The following XAB2 variants were observed in gnomAD, a reference collection of about 807,000 sequenced individuals.
The protein encoded by XAB2 is XPA binding protein 2, also known as pre-mRNA-splicing factor SYF1.
A neutral mutation model predicts 113.4 loss-of-function variants in XAB2; 57 were observed. The observed-to-expected ratio is 0.50, with a 90% CI of 0.41 to 0.63. The LOEUF is 0.63. XAB2 is among the 20% of genes least tolerant of loss of function. XAB2 has a pLI of 0.00. For synonymous variants in XAB2, 497 were observed against 498.8 expected, an observed-to-expected ratio of 1.00 and a Z score of 0.05; for missense variants, 1,037 against 1,233.3, an observed-to-expected ratio of 0.84 and a Z score of 2.38.
chr19:7,626,128 A>T lies in XAB2; in HGVS notation c.657+8T>A. On this transcript the variant is annotated splice_region_variant and intron_variant, in intron 5 of 18. Transcript: ENST00000358368. The stretch of plus-strand genomic sequence containing the variant: ...TCCCACCCAGTTGCCGGCTCCCGGC[A>T]GGCCCACCTGGTAGTTGGACTTGCC... 1 of 1,613,282 alleles carries T rather than the reference A, an allele frequency of 6.2e-7. No individual in the cohort carries two copies. Among genetic ancestry groups the T allele is most frequent in the South Asian group, 1.1e-5 (1 of 91,072 alleles).
chr19:7,621,094 A>AAACCCCCCCCCCCCCCCCCCCCCCCCCC, intron 13 of XAB2, 41 bp downstream of exon 13: 2 of 1,494,422 alleles, frequency 1.3e-6, no homozygotes, highest in Non-Finnish European at 9.0e-7. Flanking sequence ...TCAGAAACCC[A>AAACCCCCCCCCCCCCCCCCCCCCCCCCC]GCCCGCCCGC....
intron 9 of XAB2, 69 bp from the exon 10 acceptor site, chr19:7,622,962 A>T: frequency 6.3e-7 from 1 of 1,582,872 alleles, no homozygotes; most frequent in Non-Finnish European, 8.6e-7. Context: ...CAAGGGTCAG[A>T]AAGGTGACCA....
chr19:7,620,732 C>T, intron 14 of XAB2, 63 bp from the exon 15 acceptor site: 1 of 1,598,032 alleles, frequency 6.3e-7, no homozygotes, highest in Non-Finnish European at 8.5e-7. Context: ...TCCCAACACA[C>T]CATGGCCATC....
At position 7,619,864 on chromosome 19, in the gene XAB2, C is replaced by G. The variant is rs766028536; in HGVS notation, c.2397-8G>C. 2 of 1,611,336 alleles carry G rather than the reference C, an allele frequency of 1.2e-6. No individual in the cohort carries two copies. The highest frequency in any genetic ancestry group is 2.2e-5 in the East Asian group (1 of 44,868). ...TCCCGGGAGGCGTCACTCCTAGGGA[C>G]GGGCCATGCTGCCTCAGTTCCCCAC... is the stretch of plus-strand genomic sequence containing the variant. On this transcript the variant is annotated splice_region_variant and splice_polypyrimidine_tract_variant and intron_variant, in intron 17 of 18. Coordinates refer to ENST00000358368, the MANE Select transcript of XAB2 (RefSeq NM_020196.3).
chr19:7,620,836 C>T lies in XAB2; in HGVS notation c.1971+10G>A, dbSNP rs570569315. 68 of 1,572,202 alleles carry T rather than the reference C, an allele frequency of 4.3e-5. No individual in the cohort carries two copies. In the South Asian group the frequency reaches 6.3e-4, roughly 15 times the overall value. On this transcript the variant is annotated intron_variant, in intron 14 of 18. Transcript: ENST00000358368. ...CCTCTGGCCCCGGCCCAGCCCCCCA[C>T]GGTGGGTACCTCAATGGCCTTCTGG... is the stretch of plus-strand genomic sequence containing the variant.
Position 7,627,395 on chromosome 19 carries a change from C to A in XAB2, c.370G>T (p.Gly124Trp). Residue 124 changes from glycine (G) to tryptophan (W), a missense_variant, in exon 4 of 19, where the codon GGG (glycine) becomes TGG (tryptophan). Transcript: ENST00000358368. The surrounding 1 kb of genome is among the most constrained non-coding windows in gnomAD (Gnocchi z 4.5). Reference protein sequence around the residue: ...LDYCQFLMDQGRVTHTRRTFD... With the variant: ...LDYCQFLMDQWRVTHTRRTFD... ...GTGCGGCGGGTGTGTGTGACGCGCC[C>A]CTGGTCCATGAGGAACTGGCAGTAA... is the stretch of plus-strand genomic sequence containing the variant. 1 of 1,607,518 alleles carries A rather than the reference C, an allele frequency of 6.2e-7. No individual in the cohort carries two copies. Among genetic ancestry groups the A allele is most frequent in the East Asian group, 2.2e-5 (1 of 44,588 alleles).
chr19:7,624,361 C>G lies in XAB2; in HGVS notation c.907G>C (p.Glu303Gln). 6.2e-7 allele frequency: 1 copy of G among 1,614,198 alleles called. No homozygotes were observed. The highest frequency in any genetic ancestry group is 2.2e-5 in the East Asian group (1 of 44,884). ...ATCTTTGCAGCGATCATGCTCTCCT[C>G]GAACTGGGCGTAGCTGTCAAACACC... Reference protein sequence around the residue: ...TQVFDSYAQFEESMIAAKMET... With the variant: ...TQVFDSYAQFQESMIAAKMET... Residue 303 changes from glutamate (E) to glutamine (Q), a missense_variant, in exon 7 of 19, where the codon GAG (glutamate) becomes CAG (glutamine). Coordinates refer to ENST00000358368, the MANE Select transcript of XAB2 (RefSeq NM_020196.3). The surrounding 1 kb of genome is among the most constrained non-coding windows in gnomAD (Gnocchi z 4.2).
chr19:7,628,441 C>T lies in XAB2; in HGVS notation c.52-143G>A. On this transcript the variant is annotated intron_variant, in intron 1 of 18. Transcript: ENST00000358368. This position sits in a 1 kb window ranked among gnomAD's most constrained non-coding sequence, Gnocchi z 4.6. The stretch of plus-strand genomic sequence containing the variant: ...ACCAAGGAAGTCAGGTCACCAGATG[C>T]CCAGGCACCAAACCAGATGCCCGAC... 1.0e-6 allele frequency: 1 copy of T among 978,772 alleles called. No individual in the cohort carries two copies. The highest frequency in any genetic ancestry group is 2.6e-5 in the East Asian group (1 of 38,126). The allele number at this position is 978,772 out of a possible 1,614,324, so 60.6% of individuals were successfully genotyped here.
At position 7,624,285 on chromosome 19, in the gene XAB2, GC is replaced by G; in HGVS notation, c.967+15del. 1 of 1,612,016 alleles carries G rather than the reference GC, an allele frequency of 6.2e-7. No homozygotes were observed. ...CTCAGCTCTCTCCCCACCAGCCGGG[GC>G]CCCCAGAGGCTCACCCTCCTCCTCG... is the stretch of plus-strand genomic sequence containing the variant. On this transcript the variant is annotated intron_variant, in intron 7 of 18. Transcript: ENST00000358368. The surrounding 1 kb of genome is among the most constrained non-coding windows in gnomAD (Gnocchi z 4.2).
In XAB2 at chr19:7,619,992, C is replaced by T; in HGVS notation, c.2350G>A (p.Glu784Lys). 1 of 1,612,318 alleles carries T rather than the reference C, an allele frequency of 6.2e-7. No homozygotes were observed. Among genetic ancestry groups the T allele is most frequent in the Middle Eastern group, 1.6e-4 (1 of 6,062 alleles). ...TGGGCGCGCAAGGGCTGGTCACGCT[C>T]CGCCTCAGCCGCCAGCTGCTCTGCC... is the stretch of plus-strand genomic sequence containing the variant. ...QRAEQLAAEA[E>K]RDQPLRAQSK... is the part of the protein sequence containing the mutation. The change falls in exon 17 of 19, where the codon GAG becomes AAG. Residue 784 changes from glutamate (E) to lysine (K), a missense_variant. Physicochemically the swap from Glu to Lys is moderately conservative, Grantham distance 56. Coordinates refer to ENST00000358368, the MANE Select transcript of XAB2 (RefSeq NM_020196.3).
Position 7,627,564 on chromosome 19 carries a change from A to G in XAB2, c.325-124T>C, listed in dbSNP as rs1224091973. ...CACATAAATGCGGCGGGACCCAGAA[A>G]CCCCCAGCTCCAGGACTGAGTCCAG... is the stretch of plus-strand genomic sequence containing the variant. On this transcript the variant is annotated intron_variant, in intron 3 of 18. Coordinates refer to ENST00000358368, the MANE Select transcript of XAB2 (RefSeq NM_020196.3). This position sits in a 1 kb window ranked among gnomAD's most constrained non-coding sequence, Gnocchi z 4.5. 1 of 1,503,068 alleles carries G rather than the reference A, an allele frequency of 6.7e-7. No individual in the cohort carries two copies. Among genetic ancestry groups the G allele is most frequent in the East Asian group, 2.3e-5 (1 of 43,976 alleles). 93.1% of individuals were successfully genotyped at this position (1,503,068 alleles called of 1,614,324 possible).
chr19:7,622,746 C>T lies in XAB2; in HGVS notation c.1371+16G>A. The stretch of plus-strand genomic sequence containing the variant: ...CAACCTGCAGCCCCCACCCCACAGC[C>T]TGGGCCTGTTCTCACTCGCAGCAGC... On this transcript the variant is annotated intron_variant, in intron 10 of 18. Transcript: ENST00000358368. The T allele has an allele frequency of 6.2e-7, 1 of 1,613,878 alleles. No individual in the cohort carries two copies. Among genetic ancestry groups the T allele is most frequent in the Non-Finnish European group, 8.5e-7 (1 of 1,179,996 alleles).
At chr19:7,620,754 A>G in intron 14 of XAB2, 85 bp from the exon 15 acceptor site, 7 of 1,583,780 alleles carry the variant, frequency 4.4e-6, no homozygotes, top group Non-Finnish European at 5.2e-6. Context: ...CTGTGCTTCC[A>G]GAAGGCTCCT....
At position 7,620,395 on chromosome 19, in the gene XAB2, T is replaced by C; in HGVS notation, c.2146A>G (p.Asn716Asp). The stretch of plus-strand genomic sequence containing the variant: ...AGCATTTCCTTGATGGTGTCCTCAT[T>C]GCCATGCCGGACCTCAAAGTCCTTC... ...TWKDFEVRHG[N>D]EDTIKEMLRI... Residue 716 changes from asparagine to aspartate, a missense_variant, in exon 16 of 19, where the codon AAT becomes GAT. By Grantham distance (23) the Asn-to-Asp change is conservative. Coordinates refer to ENST00000358368, the MANE Select transcript of XAB2 (RefSeq NM_020196.3). The C allele has an allele frequency of 6.2e-7, 1 of 1,612,118 alleles. No homozygotes were observed. Among genetic ancestry groups the C allele is most frequent in the South Asian group, 1.1e-5 (1 of 91,074 alleles).
At chr19:7,621,465 C>T (rs1243685360) in intron 12 of XAB2, 168 bp from the exon 13 acceptor site, 2 of 691,346 alleles carry the variant, frequency 2.9e-6, no homozygotes, top group African/African-American at 3.6e-5. Context: ...CTGTCCTCTG[C>T]ACTGTCTCCC....
chr19:7,624,610 C>T lies in XAB2; in HGVS notation c.823-165G>A, dbSNP rs1417230857. The stretch of plus-strand genomic sequence containing the variant: ...CAGGACAGAGCCTCCGTGGAGCCTT[C>T]TCACCCCCGCCCTGCCCTGCACTGC... On this transcript the variant is annotated intron_variant, in intron 6 of 18. Transcript: ENST00000358368. The surrounding 1 kb of genome is among the most constrained non-coding windows in gnomAD (Gnocchi z 4.2). 6.6e-6 allele frequency among the ~76,000 whole-genome samples: 1 copy of T among 152,152 alleles called. No individual in the cohort carries two copies. Among genetic ancestry groups the T allele is most frequent in the East Asian group, 1.9e-4 (1 of 5,182 alleles).
chr19:7,621,090 A>ACCCAGCCCCCCCCCCCCCCCCC, intron 13 of XAB2, 45 bp downstream of exon 13: 3 of 1,533,028 alleles, frequency 2.0e-6, no homozygotes, highest in Non-Finnish European at 2.6e-6. Context: ...CCAGTCAGAA[A>ACCCAGCCCCCCCCCCCCCCCCC]CCCAGCCCGC....
chr19:7,626,132 C>A lies in XAB2; in HGVS notation c.657+4G>T. On this transcript the variant is annotated splice_donor_region_variant and intron_variant, in intron 5 of 18. Coordinates refer to ENST00000358368, the MANE Select transcript of XAB2 (RefSeq NM_020196.3). ...ACCCAGTTGCCGGCTCCCGGCAGGC[C>A]CACCTGGTAGTTGGACTTGCCGGCC... The A allele has an allele frequency of 6.2e-7, 1 of 1,613,482 alleles. No homozygotes were observed. The highest frequency in any genetic ancestry group is 1.1e-5 in the South Asian group (1 of 91,070).
intron 4 of XAB2, among the ~76,000 whole-genome samples, chr19:7,626,638 C>G (rs1419936974): frequency 6.6e-6 from 1 of 151,686 alleles, no homozygotes; most frequent in Non-Finnish European, 1.5e-5. Context: ...GAATTGACCC[C>G]CAACCCACAA....
Sources: allele counts gnomAD v4.1 joint callset (sites outside exome capture counted in the v4.1 genomes callset), GRCh38; gene constraint gnomAD v4.1.1; non-coding constraint Gnocchi (gnomAD v3.1); transcripts MANE v1.5; gene names NCBI Gene and HGNC (gene_info 2026-07-23, HGNC 2026-07-21).